Variants in DCDC1 observed in about 807,000 individuals in gnomAD.
DCDC1 encodes the protein doublecortin domain containing 1.
DCDC1 carries 200 observed loss-of-function variants against 178.3 expected under a neutral mutation model. The ratio of observed to expected loss-of-function variants is 1.12; its 90% CI spans 1.00 to 1.26. The LOEUF (loss-of-function observed/expected upper bound fraction) is 1.26, where lower values mean the gene tolerates loss of function less well. Among genes scored for constraint, DCDC1 ranks in the 50% most tolerant of loss-of-function variants. The pLI is 0.00. For missense variants in DCDC1, 1,983 were observed against 1,749.2 expected (o/e 1.13, Z -2.38); for synonymous variants, 690 against 604.8 (o/e 1.14, Z -2.07).
intron 7 of DCDC1, among the ~76,000 whole-genome samples, chr11:31,282,906 CTGCTATCTTCTGTCT>C (rs1946551199): frequency 6.6e-6 from 1 of 152,136 alleles, no homozygotes; most frequent in Non-Finnish European, 1.5e-5. Flanking sequence ...TTAAAGATAT[CTGCTATCTTCTGTCT>C]TGCATTATTT....
At chr11:30,915,739 C>G (rs780721234) in intron 26 of DCDC1, 28 bp from the exon 27 acceptor site, 7 of 1,590,132 alleles carry the variant, frequency 4.4e-6, no homozygotes, top group Non-Finnish European at 4.3e-6. Context: ...CTATTAGTGG[C>G]AGAAAAATGT....
intron 4 of DCDC1, 88 bp downstream of exon 4, chr11:31,307,551 G>A: frequency 2.0e-6 from 3 of 1,503,270 alleles, no homozygotes; most frequent in South Asian, 1.3e-5. Flanking sequence ...TTTAATGTCT[G>A]AGATAGTCAA....
At chr11:31,301,125 C>A (rs1406720093) in intron 6 of DCDC1, among the ~76,000 whole-genome samples, 1 of 152,096 alleles carries the variant, frequency 6.6e-6, no homozygotes, top group Non-Finnish European at 1.5e-5. Context: ...TATAGTTTTA[C>A]CCTCACTTAT....
intron 18 of DCDC1, among the ~76,000 whole-genome samples, chr11:31,072,329 A>G (rs960545843): frequency 6.6e-6 from 1 of 152,116 alleles, no homozygotes; most frequent in African/African-American, 2.4e-5. Flanking sequence ...TTTATTATAT[A>G]TTGAGTATTA....
At position 31,056,103 on chromosome 11, in the gene DCDC1, T is replaced by C. The variant is rs189648311; in HGVS notation, c.2591+8366A>G. Among the ~76,000 whole-genome samples the C allele has an allele frequency of 3.9e-5, 6 of 152,228 alleles. No homozygotes were observed. The East Asian group carries it at 1.2e-3, about 29-fold the overall frequency. On this transcript the variant is annotated intron_variant, in intron 20 of 38. Transcript: ENST00000684477. ...TAAGAGTTCCAAGGTTCTTGAATTGTTTGTGAAATGGTAAAAACACTAATT... is the reference window on the plus strand; with the variant it reads ...TAAGAGTTCCAAGGTTCTTGAATTGCTTGTGAAATGGTAAAAACACTAATT...
chr11:30,867,575 A>G (rs570439178), intron 38 of DCDC1, among the ~76,000 whole-genome samples: 1 of 152,318 alleles, frequency 6.6e-6, no homozygotes, highest in Admixed American at 6.5e-5. Context: ...GCAGGAAGGT[A>G]AGACTCAAGT....
intron 9 of DCDC1, among the ~76,000 whole-genome samples, chr11:31,213,104 T>TCTCTTTCTCTCTCTCTC (rs1972870246): frequency 6.2e-5 from 1 of 16,224 alleles, no homozygotes; most frequent in Non-Finnish European, 1.8e-4. Flanking sequence ...GCCCAGCCTC[T>TCTCTTTCTCTCTCTCTC]CTCTCTCTCT....
At chr11:31,082,125 A>T (rs1392852475) in intron 17 of DCDC1, among the ~76,000 whole-genome samples, 2 of 152,194 alleles carry the variant, frequency 1.3e-5, no homozygotes, top group Non-Finnish European at 1.5e-5. Flanking sequence ...CGACATCAAT[A>T]ACGAAAGGAA....
chr11:30,952,411 C>G lies in DCDC1; in HGVS notation c.2715+34G>C, dbSNP rs1461869130. On this transcript the variant is annotated intron_variant, in intron 21 of 38. Transcript: ENST00000684477. ...CACACAACTGGGCCTTAAAGTAAGTCTCAATGACCATCTCTTAAGCTAAGC... is the reference window on the plus strand; with the variant it reads ...CACACAACTGGGCCTTAAAGTAAGTGTCAATGACCATCTCTTAAGCTAAGC... 4 of 1,504,562 alleles carry G rather than the reference C, an allele frequency of 2.7e-6. No individual in the cohort carries two copies. The Admixed American group carries it at 7.6e-5, about 29-fold the overall frequency. The allele number at this position is 1,504,562 out of a possible 1,614,324, so 93.2% of individuals were successfully genotyped here. A position where few individuals can be genotyped will look rare whatever the true frequency, so the allele number is the denominator to read the frequency against.
chr11:31,108,870 C>T (rs537183618), intron 12 of DCDC1, among the ~76,000 whole-genome samples: 2 of 152,022 alleles, frequency 1.3e-5, no homozygotes, highest in East Asian at 1.9e-4. Flanking sequence ...CATCACCAGG[C>T]CTTTATAGCA....
In DCDC1 at chr11:31,245,868, A is replaced by G. The variant is rs75613470; in HGVS notation, c.1055-4252T>C. Reference sequence around the variant, plus strand: ...GAAAATAAACTGTTCAGGCTTCAAGAGGATCTTCTATTAAAACTTTCATCA... The same window carrying G: ...GAAAATAAACTGTTCAGGCTTCAAGGGGATCTTCTATTAAAACTTTCATCA... On this transcript the variant is annotated intron_variant, in intron 8 of 38. Coordinates refer to ENST00000684477, the MANE Select transcript of DCDC1 (RefSeq NM_001387274.1). Among the ~76,000 whole-genome samples, 113 of 152,104 alleles carry G rather than the reference A, an allele frequency of 7.4e-4. 1 individual carries two copies. The East Asian group carries it at 0.02, about 28-fold the overall frequency.
intron 20 of DCDC1, among the ~76,000 whole-genome samples, chr11:31,043,873 T>G (rs1361742222): frequency 6.6e-6 from 1 of 151,972 alleles, no homozygotes; most frequent in Non-Finnish European, 1.5e-5. Flanking sequence ...TTTCCTTTTT[T>G]GCGCTAGTGT....
chr11:31,088,009 A>T (rs1302910110), intron 17 of DCDC1, among the ~76,000 whole-genome samples: 1 of 152,082 alleles, frequency 6.6e-6, no homozygotes, highest in Non-Finnish European at 1.5e-5. Flanking sequence ...GCCATTTTTA[A>T]AAAATTAGAA....
intron 20 of DCDC1, among the ~76,000 whole-genome samples, chr11:31,049,958 T>C (rs1270429878): frequency 6.6e-6 from 1 of 152,172 alleles, no homozygotes; most frequent in East Asian, 1.9e-4. Context: ...GAAGGAAATC[T>C]CTAGCTGAAC....
Position 30,906,576 on chromosome 11 carries a change from G to A in DCDC1, c.4068C>T (p.Phe1356=), listed in dbSNP as rs750020286. Residue 1356 remains phenylalanine (F), a synonymous_variant, in exon 30 of 39, where the codon TTC becomes TTT. Transcript: ENST00000684477. ...TGATGACCTTGAAGGGCCCTTGTAA[G>A]AAGGGCTTCTGAGTCTTGGTGCCTG... The part of the protein sequence containing the change: ...CISGTKTQKP[F]LQGPFKVISV... The A allele has an allele frequency of 3.1e-6, 5 of 1,613,136 alleles. No homozygotes were observed. In the South Asian group the frequency reaches 5.5e-5, roughly 18 times the overall value.
intron 20 of DCDC1, among the ~76,000 whole-genome samples, chr11:30,981,296 T>C (rs149070258): frequency 8.9e-4 from 135 of 152,240 alleles, no homozygotes; most frequent in Non-Finnish European, 1.6e-3. Flanking sequence ...CACTATGCAA[T>C]ATATTCATAT....
At chr11:31,214,221 A>C (rs898119490) in intron 9 of DCDC1, among the ~76,000 whole-genome samples, 1 of 152,200 alleles carries the variant, frequency 6.6e-6, no homozygotes, top group African/African-American at 2.4e-5. Flanking sequence ...ATGTGTGCAT[A>C]TATAATCTCC....
intron 7 of DCDC1, among the ~76,000 whole-genome samples, chr11:31,266,815 T>C (rs974791946): frequency 2.0e-5 from 3 of 152,230 alleles, no homozygotes; most frequent in African/African-American, 4.8e-5. Context: ...AGTGTTTATA[T>C]AGAGGCAAAG....
At chr11:30,991,748 AT>A (rs954073905) in intron 20 of DCDC1, among the ~76,000 whole-genome samples, 1 of 152,178 alleles carries the variant, frequency 6.6e-6, no homozygotes. Flanking sequence ...TTTATGAAAG[AT>A]TTTACCAATA....
Sources: allele counts gnomAD v4.1 joint callset (sites outside exome capture counted in the v4.1 genomes callset), GRCh38; gene constraint gnomAD v4.1.1; transcripts MANE v1.5; gene names NCBI Gene and HGNC (gene_info 2026-07-23, HGNC 2026-07-21).